DNM2: variants seen among roughly 807,000 people sequenced by gnomAD.
DNM2 encodes dynamin 2, also known as dynamin-2.
In DNM2, 15 loss-of-function variants were observed where a neutral mutation model predicts 99.0. That is an observed-to-expected ratio of 0.15 (90% CI 0.10 to 0.23). The LOEUF is 0.23. DNM2 is among the 10% of genes least tolerant of loss of function. The pLI, the probability that DNM2 is intolerant of heterozygous loss-of-function variation, is 1.00. For missense variants in DNM2, 742 were observed against 1,189.4 expected (o/e 0.62, Z 5.53); for synonymous variants, 525 against 481.2 (o/e 1.09, Z -1.19).
In DNM2 at chr19:10,723,539, A is replaced by C. The variant is rs1398034006; in HGVS notation, c.161+5136A>C. ...TGCCTTGGCCTCCCAAGGTGCTGGGATTGCAGGTGTAAGCCACCGCGCCCA... is the reference window on the plus strand; with the variant it reads ...TGCCTTGGCCTCCCAAGGTGCTGGGCTTGCAGGTGTAAGCCACCGCGCCCA... On this transcript the variant is annotated intron_variant, in intron 1 of 20. Transcript: ENST00000389253. Among the ~76,000 whole-genome samples the C allele has an allele frequency of 2.0e-5, 3 of 152,292 alleles. No homozygotes were observed. The East Asian group carries it at 5.8e-4, about 29-fold the overall frequency.
At chr19:10,777,010 T>C (rs1439413264) in intron 4 of DNM2, 108 bp from the exon 5 acceptor site, 1 of 1,023,618 alleles carries the variant, frequency 9.8e-7, no homozygotes, top group Admixed American at 1.7e-5. Context: ...TCCCAGGTGA[T>C]GTGACCTGGA....
intron 11 of DNM2, among the ~76,000 whole-genome samples, 154 bp from the exon 12 acceptor site, chr19:10,802,134 G>A (rs935310137): frequency 6.6e-5 from 10 of 152,084 alleles, no homozygotes; most frequent in Admixed American, 6.6e-4. Flanking sequence ...GCCTATGAGG[G>A]TGTGGGGAGT....
intron 5 of DNM2, among the ~76,000 whole-genome samples, chr19:10,778,088 G>A (rs1384085094): frequency 6.7e-6 from 1 of 149,352 alleles, no homozygotes; most frequent in East Asian, 2.0e-4. Context: ...AGGCTGGAGT[G>A]CAATGGTGCA....
chr19:10,751,888 G>C (rs2070208495), intron 1 of DNM2, among the ~76,000 whole-genome samples: 1 of 152,258 alleles, frequency 6.6e-6, no homozygotes, highest in Non-Finnish European at 1.5e-5. Flanking sequence ...TTTTACTTCT[G>C]TACAGAGGGG....
intron 1 of DNM2, among the ~76,000 whole-genome samples, chr19:10,746,790 A>G (rs1465938865): frequency 7.8e-6 from 1 of 128,274 alleles, no homozygotes; most frequent in Non-Finnish European, 1.6e-5. Flanking sequence ...GTGCAATGGC[A>G]TGATCTCACA....
At chr19:10,823,762 G>C (rs561147758) in intron 16 of DNM2, 26 bp from the exon 17 acceptor site, 1 of 1,607,082 alleles carries the variant, frequency 6.2e-7, no homozygotes, top group Non-Finnish European at 8.5e-7. Context: ...TCAAGCTTGT[G>C]CCCCTCCTTC....
At chr19:10,800,328 C>CCG (rs1876334161) in intron 11 of DNM2, among the ~76,000 whole-genome samples, 1 of 152,190 alleles carries the variant, frequency 6.6e-6, no homozygotes, top group African/African-American at 2.4e-5. Flanking sequence ...GGGAGGCGCC[C>CCG]AGTTTTGATT....
At position 10,786,684 on chromosome 19, in the gene DNM2, C is replaced by T. The variant is rs1291883184; in HGVS notation, c.970C>T (p.Arg324Cys). ...YKNFRPDDPT[R>C]KTKALLQMVQ... ...GAACTTTCGGCCCGACGACCCCACC[C>T]GCAAAACCAAAGCCCTGCTGCAGTA... Residue 324 changes from arginine (R) to cysteine (C), a missense_variant, in exon 7 of 21, where the codon CGC becomes TGC. Arg to Cys is a radical substitution (Grantham distance 180, BLOSUM62 -3). Transcript: ENST00000389253. 5 of 1,614,016 alleles carry T rather than the reference C, an allele frequency of 3.1e-6. No individual in the cohort carries two copies. In the Admixed American group the frequency reaches 5.0e-5, roughly 16 times the overall value.
At chr19:10,819,466 ACTTCGTG>A (rs2072895999) in intron 15 of DNM2, among the ~76,000 whole-genome samples, 1 of 152,188 alleles carries the variant, frequency 6.6e-6, no homozygotes, top group African/African-American at 2.4e-5. Flanking sequence ...AGTTCCATTC[ACTTCGTG>A]CAAGGCGAGG....
intron 7 of DNM2, among the ~76,000 whole-genome samples, chr19:10,787,672 A>G (rs1568301010): frequency 6.7e-6 from 1 of 148,610 alleles, no homozygotes; most frequent in Non-Finnish European, 1.5e-5. Context: ...GGAGAATGAC[A>G]TGAACCCAGG....
chr19:10,806,164 G>A (rs1406011444), intron 13 of DNM2, among the ~76,000 whole-genome samples, 197 bp downstream of exon 13: 1 of 152,166 alleles, frequency 6.6e-6, no homozygotes, highest in African/African-American at 2.4e-5. Context: ...ACTCTGGCAG[G>A]GCCTAGTGGG....
chr19:10,807,805 G>C (rs184437600), intron 13 of DNM2, among the ~76,000 whole-genome samples: 1 of 148,574 alleles, frequency 6.7e-6, no homozygotes, highest in African/African-American at 2.5e-5. Context: ...CGCCTCGCCC[G>C]GACAAAGTGC....
At chr19:10,798,414 A>G in intron 10 of DNM2, 72 bp from the exon 11 acceptor site, 1 of 1,251,660 alleles carries the variant, frequency 8.0e-7, no homozygotes, top group Non-Finnish European at 1.2e-6. Flanking sequence ...CGCATTTTCT[A>G]CCTGTGTGGT....
In DNM2 at chr19:10,806,069, C is replaced by A. The variant is rs554227179; in HGVS notation, c.1545+102C>A. 6.3e-6 allele frequency: 9 copies of A among 1,439,592 alleles called. No individual in the cohort carries two copies. In the East Asian group the frequency reaches 1.6e-4, roughly 26 times the overall value. 89.2% of individuals were successfully genotyped at this position (1,439,592 alleles called of 1,614,324 possible). ...GGAGCTCGGCCTGTGTAAAGCCCCA[C>A]CCCACAGCCTCAGTACCAGGCCATC... On this transcript the variant is annotated intron_variant, in intron 13 of 20. Transcript: ENST00000389253.
At position 10,795,532 on chromosome 19, in the gene DNM2, C is replaced by A; in HGVS notation, c.1196+93C>A. On this transcript the variant is annotated intron_variant, in intron 9 of 20. Transcript: ENST00000389253. The surrounding 1 kb of genome is among the most constrained non-coding windows in gnomAD (Gnocchi z 4.2). ...TCACCCACACCTCTGAGTCCCTAAT[C>A]GTTAGGCCTTAAGAGGGCTCTTGGA... 6.9e-7 allele frequency: 1 copy of A among 1,444,236 alleles called. No homozygotes were observed. The highest frequency in any genetic ancestry group is 1.1e-5 in the South Asian group (1 of 87,406). The allele number at this position is 1,444,236 out of a possible 1,614,324, so 89.5% of individuals were successfully genotyped here. A position where few individuals can be genotyped will look rare whatever the true frequency, so the allele number is the denominator to read the frequency against.
Position 10,772,779 on chromosome 19 carries a change from C to T in DNM2, c.385+151C>T. 3 of 1,251,794 alleles carry T rather than the reference C, an allele frequency of 2.4e-6. No individual in the cohort carries two copies. The highest frequency in any genetic ancestry group is 3.4e-6 in the Non-Finnish European group (3 of 890,460). 77.5% of individuals were successfully genotyped at this position (1,251,794 alleles called of 1,614,324 possible). A position where few individuals can be genotyped will look rare whatever the true frequency, so the allele number is the denominator to read the frequency against. On this transcript the variant is annotated intron_variant, in intron 3 of 20. Coordinates refer to ENST00000389253, the MANE Select transcript of DNM2 (RefSeq NM_001005361.3). This position sits in a 1 kb window ranked among gnomAD's most constrained non-coding sequence, Gnocchi z 4.9. ...ACACACATAGCCCCTTGATCTGTAT[C>T]TTCCCACTTGTGCTAGGTATGTAGT...
At chr19:10,824,876 G>T (rs114589854) in intron 17 of DNM2, 181 bp from the exon 18 acceptor site, 8 of 875,034 alleles carry the variant, frequency 9.1e-6, no homozygotes, top group Non-Finnish European at 1.4e-5. Context: ...CATCAGCCAG[G>T]GTCACCCCAT....
chr19:10,824,952 G>A, intron 17 of DNM2, 105 bp from the exon 18 acceptor site: 1 of 1,584,406 alleles, frequency 6.3e-7, no homozygotes, highest in Non-Finnish European at 8.6e-7. Flanking sequence ...TCAGGGGCCA[G>A]CCTGAGGTCA....
At chr19:10,810,922 A>G (rs545099148) in intron 14 of DNM2, 3 of 152,384 alleles carry the variant, frequency 2.0e-5, no homozygotes, top group African/African-American at 7.2e-5. Context: ...GACCAGGAAG[A>G]GCTCGTCACT....
Sources: gnomAD v4.1 joint callset for allele counts (sites outside exome capture counted in the v4.1 genomes callset) on GRCh38, gnomAD v4.1.1 for gene constraint, Gnocchi (gnomAD v3.1) non-coding constraint, MANE v1.5 for transcripts, NCBI Gene and HGNC (gene_info 2026-07-23, HGNC 2026-07-21) for gene names.